SFMBT2: variants seen among roughly 807,000 people sequenced by gnomAD.
The protein encoded by SFMBT2 is Scm like with four mbt domains 2.
Under a neutral mutation model 110.1 loss-of-function variants are expected in SFMBT2, and 38 were observed. The observed-to-expected ratio is 0.35, with a 90% confidence interval of 0.27 to 0.45. The LOEUF is 0.45. Ranked by LOEUF, SFMBT2 falls within the 20% of genes least tolerant of loss-of-function variation. SFMBT2 has a pLI of 1.00. For missense variants in SFMBT2, 1,011 were observed against 1,094.9 expected, an observed-to-expected ratio of 0.92 and a Z score of 1.08; for synonymous variants, 425 against 425.4, an observed-to-expected ratio of 1.00 and a Z score of 0.01.
intron 11 of SFMBT2, chr10:7,215,457 T>C (rs1273243141): frequency 1.4e-6 from 1 of 718,508 alleles, no homozygotes; most frequent in Non-Finnish European, 1.7e-6. Flanking sequence ...GTCTTGAACC[T>C]GTTTTAGGGG....
At chr10:7,388,326 G>GGAT (rs113666945) in intron 1 of SFMBT2, among the ~76,000 whole-genome samples, 15,441 of 146,074 alleles carry the variant, frequency 0.11, 1,240 homozygotes, top group African/African-American at 0.23. Context: ...AAACAAAGAA[G>GGAT]GATGATGATG....
At chr10:7,350,315 C>T (rs983124553) in intron 4 of SFMBT2, among the ~76,000 whole-genome samples, 12 of 152,042 alleles carry the variant, frequency 7.9e-5, no homozygotes, top group African/African-American at 2.4e-4. Flanking sequence ...ATTGTCCATC[C>T]GGAGGCACCA....
intron 11 of SFMBT2, chr10:7,206,263 A>G (rs535766939): frequency 1.0e-6 from 1 of 985,410 alleles, no homozygotes; most frequent in Admixed American, 6.1e-5. Flanking sequence ...TGGCTGAAAG[A>G]GAGAACAAGC....
At chr10:7,346,814 T>C (rs1441760671) in intron 4 of SFMBT2, among the ~76,000 whole-genome samples, 6 of 51,056 alleles carry the variant, frequency 1.2e-4, no homozygotes, top group Non-Finnish European at 2.3e-4. Flanking sequence ...CTATTAAAGA[T>C]ACAAAAAAAA....
At chr10:7,287,540 C>T (rs74522754) in intron 4 of SFMBT2, among the ~76,000 whole-genome samples, 2,203 of 152,194 alleles carry the variant, frequency 0.014, 27 homozygotes, top group Middle Eastern at 0.024. Flanking sequence ...GGGACCTGAG[C>T]CTTCCCAGGG....
intron 1 of SFMBT2, among the ~76,000 whole-genome samples, chr10:7,400,537 G>A (rs1846049416): frequency 6.6e-6 from 1 of 152,162 alleles, no homozygotes; most frequent in South Asian, 2.1e-4. Context: ...TGAAGTTGAT[G>A]GCATCCAGCG....
At chr10:7,253,460 G>A (rs1408520345) in intron 7 of SFMBT2, among the ~76,000 whole-genome samples, 1 of 152,196 alleles carries the variant, frequency 6.6e-6, no homozygotes, top group Non-Finnish European at 1.5e-5. Context: ...TGTCCAGAGA[G>A]TTGAAGAACT....
chr10:7,281,370 C>T (rs2131835737), intron 6 of SFMBT2, among the ~76,000 whole-genome samples: 1 of 152,232 alleles, frequency 6.6e-6, no homozygotes, highest in African/African-American at 2.4e-5. Flanking sequence ...GGAGTATGCT[C>T]TTCTCCCCTG....
chr10:7,215,754 C>T (rs1369700323), intron 11 of SFMBT2: 1 of 984,530 alleles, frequency 1.0e-6, no homozygotes, highest in Non-Finnish European at 1.2e-6. Flanking sequence ...CAGGGCCTGA[C>T]CTGCTTCCCT....
chr10:7,173,776 G>A (rs1235865574), intron 17 of SFMBT2, among the ~76,000 whole-genome samples: 2 of 152,140 alleles, frequency 1.3e-5, no homozygotes, highest in Non-Finnish European at 2.9e-5. Context: ...TGCAGCCAAG[G>A]AACCTTTATC....
At chr10:7,333,287 G>A (rs1843616828) in intron 4 of SFMBT2, among the ~76,000 whole-genome samples, 1 of 152,076 alleles carries the variant, frequency 6.6e-6, no homozygotes, top group Non-Finnish European at 1.5e-5. Flanking sequence ...TATCTTTTGA[G>A]CCCAATAACT....
In SFMBT2 at chr10:7,160,058, T is replaced by TA. The variant is rs1837509107; in HGVS notation, c.*3711dup. The TA allele has an allele frequency of 2.0e-5, 3 of 152,264 alleles. No individual in the cohort carries two copies. In the South Asian group the frequency reaches 6.2e-4, roughly 32 times the overall value. 9.4% of individuals were successfully genotyped at this position (152,264 alleles called of 1,614,324 possible). A position where few individuals can be genotyped will look rare whatever the true frequency, so the allele number is the denominator to read the frequency against. On this transcript the variant is annotated 3_prime_UTR_variant, in exon 21 of 21. Coordinates refer to ENST00000397167, the MANE Select transcript of SFMBT2 (RefSeq NM_001387889.1). Reference sequence around the variant, plus strand: ...AACAAATCAAAGCAAACACAGGAAATAATCTTTCGAATATGATCAAATAAG... The same window carrying TA: ...AACAAATCAAAGCAAACACAGGAAATAAATCTTTCGAATATGATCAAATAAG...
chr10:7,280,845 G>T (rs1841932476), intron 6 of SFMBT2, among the ~76,000 whole-genome samples: 1 of 152,176 alleles, frequency 6.6e-6, no homozygotes, highest in Non-Finnish European at 1.5e-5. Context: ...ATAAAATCTA[G>T]TTCCTTTTCC....
chr10:7,383,744 C>T (rs1845496034), intron 1 of SFMBT2, among the ~76,000 whole-genome samples: 1 of 152,200 alleles, frequency 6.6e-6, no homozygotes, highest in Non-Finnish European at 1.5e-5. Flanking sequence ...CTCACTTTCT[C>T]AGCACAGGGC....
chr10:7,386,654 A>C (rs1845615205), intron 1 of SFMBT2, among the ~76,000 whole-genome samples: 1 of 152,216 alleles, frequency 6.6e-6, no homozygotes, highest in African/African-American at 2.4e-5. Context: ...TTTGGAGTTA[A>C]AATGAATGGA....
intron 4 of SFMBT2, among the ~76,000 whole-genome samples, chr10:7,304,274 T>C (rs1345166029): frequency 2.0e-5 from 3 of 152,116 alleles, no homozygotes; most frequent in South Asian, 2.1e-4. Context: ...GATGGTTTCA[T>C]AAAGGGGAGT....
chr10:7,164,003 A>G, intron 20 of SFMBT2, 93 bp from the exon 21 acceptor site: 1 of 1,474,154 alleles, frequency 6.8e-7, no homozygotes, highest in Non-Finnish European at 9.0e-7. Context: ...GCCAAACATG[A>G]CAACAGGATG....
chr10:7,287,478 T>TCCCA (rs1430183208), intron 4 of SFMBT2: 1 of 241,542 alleles, frequency 4.1e-6, no homozygotes, highest in Non-Finnish European at 6.7e-6. Context: ...TTGGCATGTC[T>TCCCA]CCCAAGCTAC....
intron 1 of SFMBT2, among the ~76,000 whole-genome samples, chr10:7,404,802 C>T (rs1708261830): frequency 6.6e-6 from 1 of 152,146 alleles, no homozygotes; most frequent in Admixed American, 6.5e-5. Flanking sequence ...TTACTACAGG[C>T]CAACCAGATG....
Sources: gnomAD v4.1 joint callset for allele counts (sites outside exome capture counted in the v4.1 genomes callset) on GRCh38, gnomAD v4.1.1 for gene constraint, MANE v1.5 for transcripts, NCBI Gene and HGNC (gene_info 2026-07-23, HGNC 2026-07-21) for gene names.